Variants in PARD3B observed in about 807,000 individuals in gnomAD.
PARD3B encodes par-3 family cell polarity regulator beta.
Under a neutral mutation model 130.2 loss-of-function variants are expected in PARD3B, and 103 were observed. The ratio of observed to expected loss-of-function variants is 0.79; its 90% CI spans 0.67 to 0.93. PARD3B has a LOEUF of 0.93. Among genes scored for constraint, PARD3B ranks in the 40% least tolerant of loss-of-function variants. PARD3B has a pLI of 0.00. For synonymous variants in PARD3B, 583 were observed against 553.2 expected (o/e 1.05, Z -0.76); for missense variants, 1,609 against 1,499.2 (o/e 1.07, Z -1.21).
chr2:205,174,007 A>G (rs2035321872), intron 12 of PARD3B, among the ~76,000 whole-genome samples: 1 of 152,210 alleles, frequency 6.6e-6, no homozygotes, highest in Non-Finnish European at 1.5e-5. Flanking sequence ...GTCTAGAAAA[A>G]ACTGCTGTAG....
intron 2 of PARD3B, among the ~76,000 whole-genome samples, chr2:204,717,121 C>T (rs1469274491): frequency 2.6e-5 from 4 of 151,988 alleles, no homozygotes; most frequent in African/African-American, 7.3e-5. Flanking sequence ...ACCAGTTAGT[C>T]GTGATGATAG....
chr2:205,386,199 C>T (rs553272856), intron 18 of PARD3B, among the ~76,000 whole-genome samples: 12 of 152,170 alleles, frequency 7.9e-5, no homozygotes, highest in South Asian at 2.1e-4. Context: ...GCTGTTTTTC[C>T]GGGAGAAGTG....
chr2:205,504,198 G>C lies in PARD3B; in HGVS notation c.3180+4167G>C, dbSNP rs533252447. 3.3e-5 allele frequency among the ~76,000 whole-genome samples: 5 copies of C among 152,140 alleles called. No homozygotes were observed. In the South Asian group the frequency reaches 1.0e-3, roughly 32 times the overall value. On this transcript the variant is annotated intron_variant, in intron 21 of 22. Coordinates refer to ENST00000406610, the MANE Select transcript of PARD3B (RefSeq NM_001302769.2). The stretch of plus-strand genomic sequence containing the variant: ...GAAAACTGGCCAGCCATATGGAGAA[G>C]GCTGAAAATGGATCCCTTCCTTACA...
At chr2:205,282,462 A>AATAT (rs764057432) in intron 16 of PARD3B, among the ~76,000 whole-genome samples, 6 of 145,378 alleles carry the variant, frequency 4.1e-5, no homozygotes, top group African/African-American at 1.5e-4. Context: ...GGCTTAAATT[A>AATAT]ATATATATAT....
At chr2:204,745,180 G>T (rs2040164108) in intron 2 of PARD3B, among the ~76,000 whole-genome samples, 1 of 152,062 alleles carries the variant, frequency 6.6e-6, no homozygotes, top group African/African-American at 2.4e-5. Context: ...ATCCTGTTCT[G>T]GTGATGCCAG....
Position 205,054,313 on chromosome 2 carries a change from T to C in PARD3B, c.504+6623T>C, listed in dbSNP as rs144614111. ...GGTGTGTGCTCCCCGATTTTTCTTC[T>C]TGGGTCTTAGTCTAACACTGAAAAA... On this transcript the variant is annotated intron_variant, in intron 4 of 22. Coordinates refer to ENST00000406610, the MANE Select transcript of PARD3B (RefSeq NM_001302769.2). Among the ~76,000 whole-genome samples the C allele has an allele frequency of 3.8e-4, 57 of 149,312 alleles. No homozygotes were observed. In the East Asian group the frequency reaches 0.01, roughly 27 times the overall value.
intron 4 of PARD3B, among the ~76,000 whole-genome samples, chr2:205,098,844 G>A (rs1702564866): frequency 6.6e-6 from 1 of 152,152 alleles, no homozygotes; most frequent in African/African-American, 2.4e-5. Flanking sequence ...ACTAATTATA[G>A]AAGTGTTGAT....
intron 16 of PARD3B, among the ~76,000 whole-genome samples, chr2:205,246,712 G>C (rs1042554768): frequency 6.6e-6 from 1 of 152,112 alleles, no homozygotes; most frequent in African/African-American, 2.4e-5. Context: ...GCAGTAAGTG[G>C]CCTTGATGCC....
At chr2:205,466,879 ATTTTTGTG>A (rs997337826) in intron 20 of PARD3B, among the ~76,000 whole-genome samples, 3 of 152,036 alleles carry the variant, frequency 2.0e-5, no homozygotes, top group African/African-American at 7.2e-5. Flanking sequence ...CACCTGGCTA[ATTTTTGTG>A]TTTTTAGTAG....
At chr2:204,719,245 G>A (rs1269733199) in intron 2 of PARD3B, among the ~76,000 whole-genome samples, 1 of 152,142 alleles carries the variant, frequency 6.6e-6, no homozygotes, top group East Asian at 1.9e-4. Flanking sequence ...AGTCTTAATG[G>A]AATAATTATT....
At chr2:204,866,409 T>A (rs1195626389) in intron 2 of PARD3B, among the ~76,000 whole-genome samples, 4 of 152,148 alleles carry the variant, frequency 2.6e-5, no homozygotes, top group Non-Finnish European at 4.4e-5. Context: ...GTGAGCTGTC[T>A]TCTCTCCCGT....
Position 204,580,384 on chromosome 2 carries a change from C to T in PARD3B, c.120+34265C>T, listed in dbSNP as rs79939066. Among the ~76,000 whole-genome samples, 738 of 152,250 alleles carry T rather than the reference C, an allele frequency of 4.8e-3. 2 individuals are homozygous for T. Among genetic ancestry groups the T allele is most frequent in the Non-Finnish European group, 8.5e-3 (579 of 68,026 alleles). On this transcript the variant is annotated intron_variant, in intron 1 of 22. Coordinates refer to ENST00000406610, the MANE Select transcript of PARD3B (RefSeq NM_001302769.2). ...TTTCTGGGAGCTCCTCTCTCTTCTTCGTCACTCATGCCCAGGGTCACACTG... is the reference window on the plus strand; with the variant it reads ...TTTCTGGGAGCTCCTCTCTCTTCTTTGTCACTCATGCCCAGGGTCACACTG...
At position 205,366,865 on chromosome 2, in the gene PARD3B, A is replaced by G. The variant is rs2044629668; in HGVS notation, c.2631-34148A>G. Among the ~76,000 whole-genome samples, 1 of 152,208 alleles carries G rather than the reference A, an allele frequency of 6.6e-6. No individual in the cohort carries two copies. The highest frequency in any genetic ancestry group is 1.5e-5 in the Non-Finnish European group (1 of 68,042). Reference sequence around the variant, plus strand: ...TGTACCGCCACAGGTGTCAGCAGCAATAACTGGGCCTAGCTTTTAGTTGCT... The same window carrying G: ...TGTACCGCCACAGGTGTCAGCAGCAGTAACTGGGCCTAGCTTTTAGTTGCT... On this transcript the variant is annotated intron_variant, in intron 18 of 22. Transcript: ENST00000406610. The surrounding 1 kb of genome is among the most constrained non-coding windows in gnomAD (Gnocchi z 5.0).
intron 2 of PARD3B, among the ~76,000 whole-genome samples, chr2:204,910,523 T>C (rs2047194068): frequency 6.6e-6 from 1 of 152,108 alleles, no homozygotes; most frequent in East Asian, 1.9e-4. Context: ...TCAAAGAAAA[T>C]CTGAAAAAAG....
intron 21 of PARD3B, among the ~76,000 whole-genome samples, chr2:205,549,182 T>C (rs1342012961): frequency 6.6e-6 from 1 of 152,168 alleles, no homozygotes; most frequent in Non-Finnish European, 1.5e-5. Flanking sequence ...ATTTGTTGAA[T>C]TCTGGTGGGA....
intron 16 of PARD3B, among the ~76,000 whole-genome samples, chr2:205,261,959 C>A (rs377314909): frequency 1.3e-5 from 2 of 152,230 alleles, no homozygotes; most frequent in East Asian, 3.9e-4. Flanking sequence ...TTTGATAAGT[C>A]CTTTAGGTAC....
chr2:205,480,949 C>T (rs2049211878), intron 20 of PARD3B, among the ~76,000 whole-genome samples: 1 of 151,946 alleles, frequency 6.6e-6, no homozygotes, highest in African/African-American at 2.4e-5. Context: ...GGTGGAAGAC[C>T]CACCAATGAC....
intron 2 of PARD3B, among the ~76,000 whole-genome samples, chr2:204,848,641 G>GTCTATCTATCTA (rs112373204): frequency 9.6e-4 from 143 of 148,452 alleles, no homozygotes; most frequent in East Asian, 9.6e-3. Flanking sequence ...GTGAGACTCT[G>GTCTATCTATCTA]TCTATCTATC....
At chr2:204,941,860 A>G (rs1364232499) in intron 2 of PARD3B, among the ~76,000 whole-genome samples, 1 of 152,032 alleles carries the variant, frequency 6.6e-6, no homozygotes, top group African/African-American at 2.4e-5. Context: ...ATATATTTAA[A>G]TTATATCTTT....
Sources: allele counts gnomAD v4.1 joint callset (sites outside exome capture counted in the v4.1 genomes callset), GRCh38; gene constraint gnomAD v4.1.1; non-coding constraint Gnocchi (gnomAD v3.1); transcripts MANE v1.5; gene names NCBI Gene and HGNC (gene_info 2026-07-23, HGNC 2026-07-21).